Variants in TRHDE observed in about 807,000 individuals in gnomAD.
TRHDE encodes thyrotropin releasing hormone degrading enzyme.
A neutral mutation model predicts 125.7 loss-of-function variants in TRHDE; 72 were observed. The observed-to-expected ratio is 0.57, with a 90% confidence interval of 0.47 to 0.70. TRHDE has a LOEUF of 0.70. Ranked by LOEUF, TRHDE falls within the 30% of genes least tolerant of loss-of-function variation. The probability of loss-of-function intolerance (pLI) is 0.00; values close to 1 mark genes in which losing one functional copy is unlikely to be tolerated. For missense variants in TRHDE, 1,110 were observed against 1,327.1 expected, an observed-to-expected ratio of 0.84 and a Z score of 2.54; for synonymous variants, 509 against 509.1, an observed-to-expected ratio of 1.00 and a Z score of 0.00.
At chr12:72,375,928 C>G (rs1871859145) in intron 2 of TRHDE, among the ~76,000 whole-genome samples, 1 of 152,196 alleles carries the variant, frequency 6.6e-6, no homozygotes, top group East Asian at 1.9e-4. Context: ...CACAGACAGA[C>G]TAGATCCCTT....
intron 2 of TRHDE, among the ~76,000 whole-genome samples, chr12:72,318,636 G>A (rs1868925616): frequency 6.6e-6 from 1 of 152,102 alleles, no homozygotes; most frequent in Non-Finnish European, 1.5e-5. Context: ...CAGTTGCTAG[G>A]AGTGCAGTGT....
At chr12:72,639,773 AGTCTGC>A (rs1873954773) in intron 15 of TRHDE, among the ~76,000 whole-genome samples, 2 of 152,266 alleles carry the variant, frequency 1.3e-5, no homozygotes, top group African/African-American at 4.8e-5. Flanking sequence ...GTGAGGTGTC[AGTCTGC>A]CCCTGCTAGG....
intron 12 of TRHDE, chr12:72,582,239 A>G (rs1395430366): frequency 1.0e-6 from 1 of 981,584 alleles, no homozygotes; most frequent in African/African-American, 1.8e-5. Context: ...TATACATTTG[A>G]GATATATTAG....
At chr12:72,122,555 T>G (rs1248833135) in intron 2 of TRHDE, among the ~76,000 whole-genome samples, 1 of 151,812 alleles carries the variant, frequency 6.6e-6, no homozygotes, top group African/African-American at 2.4e-5. Context: ...TTCTAGAGAG[T>G]TTTTTTTCAA....
intron 2 of TRHDE, among the ~76,000 whole-genome samples, chr12:72,199,081 C>A (rs1877502451): frequency 1.3e-5 from 2 of 152,136 alleles, no homozygotes; most frequent in South Asian, 4.1e-4. Context: ...TCATCTCCCA[C>A]CAGGTCCCTC....
At chr12:72,089,511 A>G (rs559822897) in intron 1 of TRHDE, among the ~76,000 whole-genome samples, 5 of 152,314 alleles carry the variant, frequency 3.3e-5, no homozygotes, top group African/African-American at 1.2e-4. Flanking sequence ...CCTTGAACAA[A>G]TCATTTATGC....
chr12:72,277,177 C>T (rs2139414106), intron 1 of TRHDE, among the ~76,000 whole-genome samples: 1 of 152,194 alleles, frequency 6.6e-6, no homozygotes, highest in South Asian at 2.1e-4. Context: ...TAGAGAGAAA[C>T]TATAGTCTCC....
At chr12:72,428,236 T>G (rs1031674015) in intron 3 of TRHDE, among the ~76,000 whole-genome samples, 1 of 152,130 alleles carries the variant, frequency 6.6e-6, no homozygotes, top group African/African-American at 2.4e-5. Context: ...GAAATGTATC[T>G]ACATAATGAC....
chr12:72,300,423 A>G (rs1880463325), intron 2 of TRHDE, among the ~76,000 whole-genome samples: 1 of 151,704 alleles, frequency 6.6e-6, no homozygotes, highest in Non-Finnish European at 1.5e-5. Flanking sequence ...TCACAGAGAT[A>G]TGTATTATAT....
At chr12:72,458,321 C>T (rs1875959135) in intron 3 of TRHDE, among the ~76,000 whole-genome samples, 1 of 152,176 alleles carries the variant, frequency 6.6e-6, no homozygotes, top group Non-Finnish European at 1.5e-5. Flanking sequence ...CAACTCTTCC[C>T]TCCCCTGTGG....
intron 2 of TRHDE, among the ~76,000 whole-genome samples, chr12:72,346,144 A>G (rs2135735345): frequency 6.6e-6 from 1 of 152,060 alleles, no homozygotes; most frequent in East Asian, 1.9e-4. Flanking sequence ...CTCCACTGCT[A>G]TTTTGGGGCC....
At chr12:72,503,815 T>C (rs1878251076) in intron 6 of TRHDE, among the ~76,000 whole-genome samples, 2 of 152,146 alleles carry the variant, frequency 1.3e-5, no homozygotes, top group Admixed American at 1.3e-4. Flanking sequence ...TCCCATCCAA[T>C]AGAAGCTATA....
chr12:72,642,787 T>C (rs970448551), intron 15 of TRHDE, among the ~76,000 whole-genome samples: 2 of 152,186 alleles, frequency 1.3e-5, no homozygotes, highest in Non-Finnish European at 2.9e-5. Flanking sequence ...AATCCTAATA[T>C]CAAGAGTCTC....
At chr12:72,570,721 A>G (rs1171820796) in intron 10 of TRHDE, among the ~76,000 whole-genome samples, 1 of 152,050 alleles carries the variant, frequency 6.6e-6, no homozygotes, top group Non-Finnish European at 1.5e-5. Context: ...TTCAAACCAT[A>G]TGTTTGCCTA....
chr12:72,442,158 G>A (rs951204538), intron 3 of TRHDE, among the ~76,000 whole-genome samples: 3 of 151,826 alleles, frequency 2.0e-5, no homozygotes, highest in Admixed American at 1.3e-4. Flanking sequence ...TTATTTAGGT[G>A]GTTGATAACT....
At chr12:72,158,399 C>T (rs1358576476) in intron 2 of TRHDE, among the ~76,000 whole-genome samples, 1 of 151,480 alleles carries the variant, frequency 6.6e-6, no homozygotes, top group East Asian at 1.9e-4. Context: ...ATCTTTCATA[C>T]ATACTTATAT....
chr12:72,620,368 C>T (rs888988685), intron 13 of TRHDE, among the ~76,000 whole-genome samples: 2 of 121,852 alleles, frequency 1.6e-5, no homozygotes, highest in African/African-American at 6.1e-5. Flanking sequence ...AAAAGAAATA[C>T]AAAAATTAAC....
chr12:72,553,270 A>C (rs1304297450), intron 7 of TRHDE, among the ~76,000 whole-genome samples: 2 of 152,136 alleles, frequency 1.3e-5, no homozygotes, highest in African/African-American at 4.8e-5. Context: ...AGAGAAGATA[A>C]ATACTTGGAT....
intron 6 of TRHDE, among the ~76,000 whole-genome samples, chr12:72,528,048 T>A (rs1013841935): frequency 6.6e-6 from 1 of 152,124 alleles, no homozygotes; most frequent in Non-Finnish European, 1.5e-5. Flanking sequence ...TAAACCACAT[T>A]TACTTAAGTT....
Sources: allele counts gnomAD v4.1 joint callset (sites outside exome capture counted in the v4.1 genomes callset), GRCh38; gene constraint gnomAD v4.1.1; transcripts MANE v1.5; gene names NCBI Gene and HGNC (gene_info 2026-07-23, HGNC 2026-07-21).